LMNTD1: variants seen among roughly 807,000 people sequenced by gnomAD.
The protein encoded by LMNTD1 is lamin tail domain-containing protein 1.
In LMNTD1, 35 loss-of-function variants were observed where a neutral mutation model predicts 50.9. The ratio of observed to expected loss-of-function variants is 0.69; its 90% CI spans 0.53 to 0.91. The LOEUF (loss-of-function observed/expected upper bound fraction) is 0.91. LMNTD1 is among the 40% of genes least tolerant of loss of function. The pLI, the probability that LMNTD1 is intolerant of heterozygous loss-of-function variation, is 0.00. For synonymous variants in LMNTD1, 153 were observed against 161.9 expected, an observed-to-expected ratio of 0.94 and a Z score of 0.42; for missense variants, 470 against 475.5, an observed-to-expected ratio of 0.99 and a Z score of 0.11.
chr12:25,535,936 T>C (rs559155837), intron 4 of LMNTD1, among the ~76,000 whole-genome samples: 1 of 152,192 alleles, frequency 6.6e-6, no homozygotes, highest in Non-Finnish European at 1.5e-5. Flanking sequence ...GCTATATTAA[T>C]ATCAGACAAA....
At chr12:25,514,444 C>G (rs1268017029) in intron 8 of LMNTD1, among the ~76,000 whole-genome samples, 1 of 151,740 alleles carries the variant, frequency 6.6e-6, no homozygotes, top group African/African-American at 2.4e-5. Context: ...TTTGTAGGAT[C>G]TAAAAAGTAA....
At chr12:25,556,957 A>G (rs1944067524), upstream of LMNTD1, among the ~76,000 whole-genome samples, 1 of 152,178 alleles carries the variant, frequency 6.6e-6, no homozygotes, top group Non-Finnish European at 1.5e-5. Context: ...AGCATATATA[A>G]AGATAGTTTT....
At chr12:25,505,630 A>G (rs1939705373) in intron 8 of LMNTD1, among the ~76,000 whole-genome samples, 1 of 145,092 alleles carries the variant, frequency 6.9e-6, no homozygotes, top group Non-Finnish European at 1.5e-5. Context: ...ATTTTCCTTT[A>G]TATAAAAGTT....
intron 1 of LMNTD1, among the ~76,000 whole-genome samples, chr12:25,631,718 T>C (rs984460934): frequency 1.4e-4 from 21 of 152,012 alleles, no homozygotes; most frequent in African/African-American, 4.8e-4. Flanking sequence ...AAACCAACCA[T>C]GGTAATATGA....
At chr12:25,601,318 T>C (rs1945967513) in intron 1 of LMNTD1, among the ~76,000 whole-genome samples, 1 of 151,552 alleles carries the variant, frequency 6.6e-6, no homozygotes, top group Non-Finnish European at 1.5e-5. Flanking sequence ...AGTGGGATGG[T>C]GGAGGTTGGG....
intron 1 of LMNTD1, among the ~76,000 whole-genome samples, chr12:25,567,051 G>A (rs1944584791): frequency 6.6e-6 from 1 of 152,184 alleles, no homozygotes; most frequent in Admixed American, 6.5e-5. Flanking sequence ...GAACAGAAAA[G>A]AGAGTACTAG....
chr12:25,515,528 C>T (rs1217538987), intron 8 of LMNTD1, among the ~76,000 whole-genome samples: 1 of 151,998 alleles, frequency 6.6e-6, no homozygotes, highest in South Asian at 2.1e-4. Flanking sequence ...CAGATCAGAA[C>T]TGCAAATACA....
At chr12:25,605,933 C>T (rs574479897) in intron 1 of LMNTD1, among the ~76,000 whole-genome samples, 191 of 152,262 alleles carry the variant, frequency 1.3e-3, no homozygotes, top group African/African-American at 3.7e-3. Context: ...GCAGTATGGC[C>T]ATTTTCACAA....
intron 1 of LMNTD1, among the ~76,000 whole-genome samples, chr12:25,562,527 C>G (rs1341649782): frequency 1.3e-5 from 2 of 152,184 alleles, no homozygotes; most frequent in Non-Finnish European, 2.9e-5. Context: ...ATGGGCTTCC[C>G]TTTGTGGGTA....
chr12:25,522,980 A>G (rs1941435171), intron 6 of LMNTD1, among the ~76,000 whole-genome samples: 1 of 152,158 alleles, frequency 6.6e-6, no homozygotes, highest in South Asian at 2.1e-4. Flanking sequence ...ATGACTCAAA[A>G]AGTAGTCTAA....
rs117340622 is a variant in LMNTD1 at position 25,635,013 on chromosome 12, G to A, written c.58+13481C>T. Among the ~76,000 whole-genome samples, 969 of 152,220 alleles carry A rather than the reference G, an allele frequency of 6.4e-3. 5 individuals are homozygous for A. The highest frequency in any genetic ancestry group is 0.041 in the East Asian group (211 of 5,166). On this transcript the variant is annotated intron_variant, in intron 1 of 7. Coordinates refer to the LMNTD1 transcript ENST00000445693. ...CTCAACACTTTGGGAGGCCGAGGCC[G>A]TGGCTCACCTCAGGTCAGGAGTTCG...
At chr12:25,609,328 C>T (rs927808656) in intron 1 of LMNTD1, among the ~76,000 whole-genome samples, 8 of 152,196 alleles carry the variant, frequency 5.3e-5, no homozygotes. Flanking sequence ...CTTCTGTCAA[C>T]TTGTCAAAGT....
intron 9 of LMNTD1, among the ~76,000 whole-genome samples, chr12:25,483,567 T>G (rs1938514301): frequency 6.6e-6 from 1 of 151,146 alleles, no homozygotes; most frequent in Middle Eastern, 3.2e-3. Context: ...AGGTCAGGAG[T>G]TCCAGACCAG....
chr12:25,486,191 GTTTGTAGTTCTCCT>G, intron 9 of LMNTD1, among the ~76,000 whole-genome samples: 1 of 133,198 alleles, frequency 7.5e-6, no homozygotes, highest in Non-Finnish European at 1.6e-5. Context: ...TTGAGCAGTG[GTTTGTAGTTCTCCT>G]TGAAGAGGTC....
intron 1 of LMNTD1, among the ~76,000 whole-genome samples, chr12:25,570,606 G>A (rs1253177350): frequency 2.0e-5 from 3 of 152,170 alleles, no homozygotes; most frequent in African/African-American, 4.8e-5. Flanking sequence ...AGATGGCATG[G>A]GTGGGGAGTG....
intron 9 of LMNTD1, among the ~76,000 whole-genome samples, chr12:25,494,021 G>A (rs950464293): frequency 5.9e-5 from 9 of 152,130 alleles, no homozygotes; most frequent in Admixed American, 2.6e-4. Flanking sequence ...ATGGGGAGTC[G>A]TGGAAGTGGA....
intron 1 of LMNTD1, among the ~76,000 whole-genome samples, chr12:25,619,382 G>T (rs182170264): frequency 6.6e-6 from 1 of 151,760 alleles, no homozygotes; most frequent in Non-Finnish European, 1.5e-5. Flanking sequence ...AGTTCTATAC[G>T]CAAAACATAC....
In LMNTD1 at chr12:25,503,736, A is replaced by C; in HGVS notation, c.*22+2T>G. 1 of 1,525,580 alleles carries C rather than the reference A, an allele frequency of 6.6e-7. No individual in the cohort carries two copies. Among genetic ancestry groups the C allele is most frequent in the Non-Finnish European group, 9.0e-7 (1 of 1,108,652 alleles). The allele number at this position is 1,525,580 out of a possible 1,614,324, so 94.5% of individuals were successfully genotyped here. A position where few individuals can be genotyped will look rare whatever the true frequency, so the allele number is the denominator to read the frequency against. ...AAGCAAATTTGCAATACAGTTACTT[A>C]CCTTTAAAGGTTGAGTTGACTGCTT... On this transcript the variant is annotated splice_donor_variant, in intron 9 of 9. Coordinates refer to ENST00000458174, the MANE Select transcript of LMNTD1 (RefSeq NM_001145728.2). LOFTEE classifies it low-confidence loss of function (3UTR_SPLICE).
intron 1 of LMNTD1, among the ~76,000 whole-genome samples, chr12:25,563,757 G>A (rs1355161554): frequency 6.6e-6 from 1 of 152,200 alleles, no homozygotes; most frequent in Non-Finnish European, 1.5e-5. Flanking sequence ...ACTCTACAGA[G>A]GCAGGCAGGC....
Sources: gnomAD v4.1 joint callset for allele counts (sites outside exome capture counted in the v4.1 genomes callset) on GRCh38, gnomAD v4.1.1 for gene constraint, MANE v1.5 for transcripts, NCBI Gene and HGNC (gene_info 2026-07-23, HGNC 2026-07-21) for gene names.